RASSF5: variants seen among roughly 807,000 people sequenced by gnomAD.
RASSF5 encodes the protein Ras association domain family member 5, also known as ras association domain-containing protein 5.
Under a neutral mutation model 40.5 loss-of-function variants are expected in RASSF5, and 25 were observed. The ratio of observed to expected loss-of-function variants is 0.62; its 90% confidence interval spans 0.45 to 0.86. The LOEUF is 0.86. Among genes scored for constraint, RASSF5 ranks in the 40% least tolerant of loss-of-function variants. The pLI is 0.00. For missense variants in RASSF5, 521 were observed against 572.8 expected (o/e 0.91, Z 0.92); for synonymous variants, 246 against 252.4 (o/e 0.97, Z 0.24).
intron 2 of RASSF5, chr1:206,572,712 G>T (rs1337209058): frequency 1.3e-5 from 2 of 151,954 alleles, no homozygotes; most frequent in Non-Finnish European, 2.9e-5. Context: ...TTAAAATCAT[G>T]AGAAAAAAAA....
chr1:206,574,062 A>G (rs1553404703), intron 2 of RASSF5, among the ~76,000 whole-genome samples: 2 of 152,236 alleles, frequency 1.3e-5, no homozygotes, highest in Non-Finnish European at 2.9e-5. Flanking sequence ...TCGGTTTTTA[A>G]TATTATAATG....
At chr1:206,555,476 C>T (rs1372153361) in intron 2 of RASSF5, among the ~76,000 whole-genome samples, 1 of 151,818 alleles carries the variant, frequency 6.6e-6, no homozygotes, top group African/African-American at 2.4e-5. Flanking sequence ...TTATTGATGG[C>T]CCAAGGATCA....
At chr1:206,514,482 A>G (rs1253743345) in intron 1 of RASSF5, among the ~76,000 whole-genome samples, 1 of 152,158 alleles carries the variant, frequency 6.6e-6, no homozygotes, top group Non-Finnish European at 1.5e-5. Context: ...TGAGTATGAC[A>G]CTTACCTGTG....
At chr1:206,515,083 G>T (rs371916208) in intron 1 of RASSF5, among the ~76,000 whole-genome samples, 61 of 152,310 alleles carry the variant, frequency 4.0e-4, no homozygotes, top group East Asian at 1.9e-3. Flanking sequence ...AACCCAGCAT[G>T]GCATTTTGCC....
Position 206,561,994 on chromosome 1 carries a change from A to G in RASSF5, c.580-21275A>G, listed in dbSNP as rs1273303788. Among the ~76,000 whole-genome samples the G allele has an allele frequency of 3.9e-5, 6 of 152,200 alleles. No homozygotes were observed. The East Asian group carries it at 1.2e-3, about 29-fold the overall frequency. Reference sequence around the variant, plus strand: ...ATAGTTAAATATTATACTTAAGTACATAGAAAACACACTCCCATGCCCCCA... The same window carrying G: ...ATAGTTAAATATTATACTTAAGTACGTAGAAAACACACTCCCATGCCCCCA... On this transcript the variant is annotated intron_variant, in intron 2 of 5. Coordinates refer to ENST00000579436, the MANE Select transcript of RASSF5 (RefSeq NM_182663.4).
At position 206,507,566 on chromosome 1, in the gene RASSF5, A is replaced by G; in HGVS notation, c.-37A>G. ...TGGCTCGGGAGTAGCGCAGTCGCCA[A>G]AGCCGCCGCTGCCAAAGCTGCCGCC... On this transcript the variant is annotated 5_prime_UTR_variant, in exon 1 of 6. Transcript: ENST00000579436. 6.9e-7 allele frequency: 1 copy of G among 1,446,676 alleles called. No homozygotes were observed. The highest frequency in any genetic ancestry group is 9.1e-7 in the Non-Finnish European group (1 of 1,103,314). The allele number at this position is 1,446,676 out of a possible 1,614,324, so 89.6% of individuals were successfully genotyped here.
intron 2 of RASSF5, among the ~76,000 whole-genome samples, chr1:206,569,642 C>A (rs1553403897): frequency 6.6e-6 from 1 of 152,198 alleles, no homozygotes; most frequent in Non-Finnish European, 1.5e-5. Context: ...CTTTTTCATT[C>A]CTCATGACTT....
At chr1:206,526,269 A>AGAGTGTGTGTGTGTGTGTGTGTGT (rs1553397194) in intron 1 of RASSF5, among the ~76,000 whole-genome samples, 8 of 143,032 alleles carry the variant, frequency 5.6e-5, no homozygotes, top group Admixed American at 5.5e-4. Flanking sequence ...GCTTTCTGGC[A>AGAGTGTGTGTGTGTGTGTGTGTGT]GTGTGTGTGT....
chr1:206,573,276 CAAT>C (rs1668516105), intron 2 of RASSF5, among the ~76,000 whole-genome samples: 1 of 152,092 alleles, frequency 6.6e-6, no homozygotes, highest in Non-Finnish European at 1.5e-5. Context: ...TCCCGTGAGG[CAAT>C]AAAGGATTTT....
intron 5 of RASSF5, 93 bp downstream of exon 5, chr1:206,585,388 C>A: frequency 1.1e-6 from 1 of 873,734 alleles, no homozygotes; most frequent in Non-Finnish European, 2.0e-6. Context: ...TAGGTGGGAG[C>A]CACGCAGCAC....
chr1:206,550,993 A>G (rs1044481457), intron 2 of RASSF5, among the ~76,000 whole-genome samples: 1 of 152,186 alleles, frequency 6.6e-6, no homozygotes, highest in East Asian at 1.9e-4. Flanking sequence ...CTGGCTTTCT[A>G]TAGCTTAATA....
intron 1 of RASSF5, among the ~76,000 whole-genome samples, chr1:206,537,794 G>T (rs1158313036): frequency 6.6e-6 from 1 of 152,146 alleles, no homozygotes; most frequent in African/African-American, 2.4e-5. Context: ...CTTCCCCAGG[G>T]ATTTATGGGT....
chr1:206,542,581 C>T (rs964996578), intron 2 of RASSF5: 1 of 152,222 alleles, frequency 6.6e-6, no homozygotes, highest in Admixed American at 6.5e-5. Flanking sequence ...AAGACAGTTC[C>T]TGGGCAGCAA....
chr1:206,521,667 A>C (rs1403240844), intron 1 of RASSF5, among the ~76,000 whole-genome samples: 2 of 152,208 alleles, frequency 1.3e-5, no homozygotes, highest in Non-Finnish European at 2.9e-5. Flanking sequence ...GCCCCTTCTC[A>C]GAGATGATTG....
chr1:206,541,019 T>G (rs186602460), intron 2 of RASSF5, among the ~76,000 whole-genome samples: 5 of 152,298 alleles, frequency 3.3e-5, no homozygotes, highest in Non-Finnish European at 5.9e-5. Context: ...CTCAGCCTTC[T>G]GAGTAGCTGA....
rs917850897 is a variant in RASSF5, at chr1:206,552,883, C to T, written c.579+14590C>T. ...TGTCTTATTCATGCCCAAACTCAGA[C>T]ACTCAGTCTAGTGCTTGCCTGAAGA... On this transcript the variant is annotated intron_variant, in intron 2 of 5. Coordinates refer to ENST00000579436, the MANE Select transcript of RASSF5 (RefSeq NM_182663.4). This position sits in a 1 kb window ranked among gnomAD's most constrained non-coding sequence, Gnocchi z 4.1. Among the ~76,000 whole-genome samples the T allele has an allele frequency of 4.6e-5, 7 of 152,172 alleles. No homozygotes were observed. Among genetic ancestry groups the T allele is most frequent in the African/African-American group, 1.7e-4 (7 of 41,438 alleles).
At chr1:206,510,354 A>T (rs1200909393) in intron 1 of RASSF5, among the ~76,000 whole-genome samples, 1 of 152,000 alleles carries the variant, frequency 6.6e-6, no homozygotes, top group Non-Finnish European at 1.5e-5. Context: ...TGAGTCCTGG[A>T]CATCTCTGTG....
At chr1:206,508,322 C>CCACACAAACACACA (rs781823855) in intron 1 of RASSF5, among the ~76,000 whole-genome samples, 12 of 146,624 alleles carry the variant, frequency 8.2e-5, no homozygotes, top group Non-Finnish European at 1.7e-4. Context: ...CCTTGGCCCT[C>CCACACAAACACACA]CACACACACA....
At chr1:206,562,004 C>T (rs1336488890) in intron 2 of RASSF5, among the ~76,000 whole-genome samples, 1 of 152,152 alleles carries the variant, frequency 6.6e-6, no homozygotes, top group African/African-American at 2.4e-5. Context: ...ATAGAAAACA[C>T]ACTCCCATGC....
Sources: allele counts gnomAD v4.1 joint callset (sites outside exome capture counted in the v4.1 genomes callset), GRCh38; gene constraint gnomAD v4.1.1; non-coding constraint Gnocchi (gnomAD v3.1); transcripts MANE v1.5; gene names NCBI Gene and HGNC (gene_info 2026-07-23, HGNC 2026-07-21).